Variants in NLRP1 observed in about 807,000 individuals in gnomAD.
NLRP1 encodes NLR family pyrin domain containing 1, also known as NACHT, LRR and PYD domains-containing protein 1.
In NLRP1, 94 loss-of-function variants were observed where a neutral mutation model predicts 136.7. That is an observed-to-expected ratio of 0.69 (90% CI 0.58 to 0.82). The LOEUF is 0.82. Among genes scored for constraint, NLRP1 ranks in the 40% least tolerant of loss-of-function variants. The pLI, the probability that NLRP1 is intolerant of heterozygous loss-of-function variation, is 0.00. For missense variants in NLRP1, 1,575 were observed against 1,802.7 expected (o/e 0.87, Z 2.29); for synonymous variants, 690 against 725.1 (o/e 0.95, Z 0.78).
Position 5,530,487 on chromosome 17 carries a change from G to C in NLRP1, c.3514C>G (p.Leu1172Val). 1 of 1,613,760 alleles carries C rather than the reference G, an allele frequency of 6.2e-7. No homozygotes were observed. The highest frequency in any genetic ancestry group is 8.5e-7 in the Non-Finnish European group (1 of 1,179,826). The change falls in exon 12 of 17, where the codon CTC (leucine) becomes GTC (valine). Residue 1172 changes from leucine (L) to valine (V), a missense_variant. By Grantham distance (32) the Leu-to-Val change is conservative. Coordinates refer to ENST00000572272, the MANE Select transcript of NLRP1 (RefSeq NM_033004.4). ...EAVHLPHFVA[L>V]QGGHVDTSLF... ...ATCCTTCCCTGTTGTTTACCTTGGA[G>C]AGCCACAAAGTGAGGGAGGTGCACA...
chr17:5,566,454 A>T (rs1426901430), intron 3 of NLRP1, among the ~76,000 whole-genome samples: 1 of 151,960 alleles, frequency 6.6e-6, no homozygotes, highest in Non-Finnish European at 1.5e-5. Flanking sequence ...TTTAATTTTC[A>T]TGTATTTATG....
Position 5,541,212 on chromosome 17 carries a change from C to A in NLRP1, c.2699+645G>T, listed in dbSNP as rs897324380. On this transcript the variant is annotated intron_variant, in intron 6 of 16. Transcript: ENST00000572272. The surrounding 1 kb of genome is among the most constrained non-coding windows in gnomAD (Gnocchi z 4.2). ...AGGTGCCCACCATCACGCCTGGCTACTTTGTGTAGTTTTAGTAGAGACAAG... is the reference window on the plus strand; with the variant it reads ...AGGTGCCCACCATCACGCCTGGCTAATTTGTGTAGTTTTAGTAGAGACAAG... Among the ~76,000 whole-genome samples, 2 of 152,076 alleles carry A rather than the reference C, an allele frequency of 1.3e-5. No homozygotes were observed. Among genetic ancestry groups the A allele is most frequent in the African/African-American group, 2.4e-5 (1 of 41,398 alleles).
rs996348194 is a variant in NLRP1 at position 5,532,950 on chromosome 17, G to A, written c.3168C>T (p.Leu1056=). 1 of 1,613,834 alleles carries A rather than the reference G, an allele frequency of 6.2e-7. No homozygotes were observed. Among genetic ancestry groups the A allele is most frequent in the African/African-American group, 1.3e-5 (1 of 74,940 alleles). The change falls in exon 11 of 17, where the codon CTC becomes CTT. Residue 1056 remains leucine (L), a synonymous_variant. Transcript: ENST00000572272. Reference sequence around the variant, plus strand: ...GAGAGGCAGGAGAAGGCACGCACAAGAGTTCCACCGGTACTACCTCTGGGG... The same window carrying A: ...GAGAGGCAGGAGAAGGCACGCACAAAAGTTCCACCGGTACTACCTCTGGGG... ...ESSPEVVPVE[L]LCVPSPASQG... is the part of the protein sequence containing the mutation.
intron 4 of NLRP1, among the ~76,000 whole-genome samples, chr17:5,556,115 TA>T (rs1914035391): frequency 8.4e-6 from 1 of 119,006 alleles, no homozygotes; most frequent in Admixed American, 8.4e-5. Flanking sequence ...TCTCTCTCTC[TA>T]CACACACACA....
At chr17:5,582,990 A>T (rs887165926) in intron 1 of NLRP1, 144 bp from the exon 2 acceptor site, 5 of 649,300 alleles carry the variant, frequency 7.7e-6, no homozygotes, top group African/African-American at 5.5e-5. Context: ...CTTCCTCTAG[A>T]GGCTTGTCTG....
At position 5,559,481 on chromosome 17, in the gene NLRP1, C is replaced by G; in HGVS notation, c.1215G>C (p.Leu405=). The part of the protein sequence containing the change: ...IRQILSRPER[L]LFILDGVDEP... The stretch of plus-strand genomic sequence containing the variant: ...CATCTACACCATCGAGGATGAAGAG[C>G]AGCCGCTCTGGCCTAGACAGGATCT... Residue 405 remains leucine (L), a synonymous_variant, in exon 4 of 17, where the codon CTG becomes CTC. Transcript: ENST00000572272. 6.2e-7 allele frequency: 1 copy of G among 1,614,226 alleles called. No homozygotes were observed.
rs1442758407 is a variant in NLRP1 at position 5,584,016 on chromosome 17, G to A, written c.-59C>T. Reference sequence around the variant, plus strand: ...TGTTCCCAGGTGGTGAGGGTATCAGGCAGGCAGAGAACAGTGCTGTCCTTT... The same window carrying A: ...TGTTCCCAGGTGGTGAGGGTATCAGACAGGCAGAGAACAGTGCTGTCCTTT... On this transcript the variant is annotated 5_prime_UTR_variant, in exon 1 of 17. Transcript: ENST00000572272. 2.6e-6 allele frequency: 4 copies of A among 1,531,618 alleles called. No individual in the cohort carries two copies. The highest frequency in any genetic ancestry group is 3.6e-6 in the Non-Finnish European group (4 of 1,126,674). 94.9% of individuals were successfully genotyped at this position (1,531,618 alleles called of 1,614,324 possible). A position where few individuals can be genotyped will look rare whatever the true frequency, so the allele number is the denominator to read the frequency against.
rs1323281604 is a variant in NLRP1 at position 5,537,548 on chromosome 17, A to G, written c.2871-608T>C. Among the ~76,000 whole-genome samples, 1 of 152,070 alleles carries G rather than the reference A, an allele frequency of 6.6e-6. No individual in the cohort carries two copies. Among genetic ancestry groups the G allele is most frequent in the African/African-American group, 2.4e-5 (1 of 41,406 alleles). On this transcript the variant is annotated intron_variant, in intron 7 of 16. Coordinates refer to ENST00000572272, the MANE Select transcript of NLRP1 (RefSeq NM_033004.4). This position sits in a 1 kb window ranked among gnomAD's most constrained non-coding sequence, Gnocchi z 4.5. The stretch of plus-strand genomic sequence containing the variant: ...CTCTGGGTCTCTGTGTCCTCCATCT[A>G]CCACGTAGGATGAATCAATCCTGCC...
At chr17:5,510,150 A>G (rs1029798416), downstream of NLRP1, among the ~76,000 whole-genome samples, 3 of 149,774 alleles carry the variant, frequency 2.0e-5, no homozygotes, top group African/African-American at 7.4e-5. Context: ...CAAGCAATTC[A>G]TTGGCCTCAG....
chr17:5,510,110 C>T (rs12602566), downstream of NLRP1, among the ~76,000 whole-genome samples: 42,758 of 150,016 alleles, frequency 0.29, 6,361 homozygotes, highest in African/African-American at 0.38. Context: ...TCTCACTATG[C>T]TGCCCAGGCT....
At chr17:5,564,136 A>T (rs1249749683) in intron 3 of NLRP1, among the ~76,000 whole-genome samples, 1 of 152,232 alleles carries the variant, frequency 6.6e-6, no homozygotes, top group Admixed American at 6.5e-5. Context: ...TAAGCACTGT[A>T]AAATAAGCAC....
downstream of NLRP1, among the ~76,000 whole-genome samples, chr17:5,511,381 C>A (rs953983704): frequency 4.9e-4 from 74 of 150,974 alleles, no homozygotes; most frequent in African/African-American, 1.8e-3. Flanking sequence ...GCAGTGAGTG[C>A]AGTGAGCTGA....
At chr17:5,511,171 T>C (rs1184658399), downstream of NLRP1, among the ~76,000 whole-genome samples, 2 of 152,068 alleles carry the variant, frequency 1.3e-5, no homozygotes, top group Non-Finnish European at 2.9e-5. Flanking sequence ...TGGCTCACAC[T>C]TGTAATCCCA....
At chr17:5,542,537 T>A (rs1393327253) in intron 5 of NLRP1, among the ~76,000 whole-genome samples, 1 of 152,152 alleles carries the variant, frequency 6.6e-6, no homozygotes, top group Admixed American at 6.5e-5. Context: ...TTTGGTGACA[T>A]CTTGCCTCGT....
chr17:5,513,918 G>C (rs1362409161), downstream of NLRP1, among the ~76,000 whole-genome samples: 8 of 152,246 alleles, frequency 5.3e-5, no homozygotes, highest in East Asian at 1.5e-3. Flanking sequence ...ATTCCCACCA[G>C]CGCCATGACA....
chr17:5,582,994 T>C lies in NLRP1; in HGVS notation c.272-148A>G, dbSNP rs571157723. The C allele has an allele frequency of 4.8e-5, 31 of 639,934 alleles. No individual in the cohort carries two copies. In the East Asian group the frequency reaches 8.8e-4, roughly 18 times the overall value. 39.6% of individuals were successfully genotyped at this position (639,934 alleles called of 1,614,324 possible). On this transcript the variant is annotated intron_variant, in intron 1 of 16. Transcript: ENST00000572272. ...GCCCTCTACAACTTCCTCTAGAGGC[T>C]TGTCTGAAGAATGATGTTCTTATAG...
At position 5,538,954 on chromosome 17, in the gene NLRP1, C is replaced by G. The variant is rs191647824; in HGVS notation, c.2870+461G>C. Among the ~76,000 whole-genome samples, 4 of 152,280 alleles carry G rather than the reference C, an allele frequency of 2.6e-5. No individual in the cohort carries two copies. In the East Asian group the frequency reaches 7.7e-4, roughly 29 times the overall value. On this transcript the variant is annotated intron_variant, in intron 7 of 16. Coordinates refer to ENST00000572272, the MANE Select transcript of NLRP1 (RefSeq NM_033004.4). ...GGAGTGCAGTGCTGTGATCTAAGCT[C>G]ACTGCAACCTCTGCCTCCCAGGCTC...
Position 5,533,339 on chromosome 17 carries a change from T to C in NLRP1, c.3098A>G (p.Asp1033Gly), listed in dbSNP as rs1391118983. Residue 1033 changes from aspartate to glycine, a missense_variant, in exon 10 of 17, where the codon GAC becomes GGC. Coordinates refer to ENST00000572272, the MANE Select transcript of NLRP1 (RefSeq NM_033004.4). ...HVAQANLKLL[D>G]VSKIFPIAEI... Reference sequence around the variant, plus strand: ...AGCAATTGGGAAGATCTTGCTCACGTCCAGGAGTTTGAGATTAGCCTGAGC... The same window carrying C: ...AGCAATTGGGAAGATCTTGCTCACGCCCAGGAGTTTGAGATTAGCCTGAGC... 6.7e-7 allele frequency: 1 copy of C among 1,491,084 alleles called. No homozygotes were observed. The highest frequency in any genetic ancestry group is 1.4e-5 in the African/African-American group (1 of 71,748). The allele number at this position is 1,491,084 out of a possible 1,614,324, so 92.4% of individuals were successfully genotyped here. A position where few individuals can be genotyped will look rare whatever the true frequency, so the allele number is the denominator to read the frequency against.
chr17:5,552,084 CTTTTT>C lies in NLRP1; in HGVS notation c.2528+1297_2528+1301del, dbSNP rs71151872. ...GCCATCATGTCTGGCTCTATCTTTC[CTTTTT>C]TTTTTTTTTTTTTTTTTTTTTTTTT... On this transcript the variant is annotated intron_variant, in intron 5 of 16. Transcript: ENST00000572272. Among the ~76,000 whole-genome samples, 40 of 96,670 alleles carry C rather than the reference CTTTTT, an allele frequency of 4.1e-4. No homozygotes were observed. The South Asian group carries it at 5.4e-3, about 13-fold the overall frequency. 63.4% of individuals were successfully genotyped at this position (96,670 alleles called of 152,430 possible).
Sources: gnomAD v4.1 joint callset for allele counts (sites outside exome capture counted in the v4.1 genomes callset) on GRCh38, gnomAD v4.1.1 for gene constraint, Gnocchi (gnomAD v3.1) non-coding constraint, MANE v1.5 for transcripts, NCBI Gene and HGNC (gene_info 2026-07-23, HGNC 2026-07-21) for gene names.